MYO10: variants seen among roughly 807,000 people sequenced by gnomAD.
The protein encoded by MYO10 is myosin X.
Under a neutral mutation model 257.3 loss-of-function variants are expected in MYO10, and 133 were observed. That is an observed-to-expected ratio of 0.52 (90% CI 0.45 to 0.60). MYO10 has a LOEUF of 0.60. Ranked by LOEUF, MYO10 falls within the 20% of genes least tolerant of loss-of-function variation. The pLI is 0.00. For missense variants in MYO10, 2,399 were observed against 2,635.7 expected (o/e 0.91, Z 1.97); for synonymous variants, 1,104 against 1,028.6 (o/e 1.07, Z -1.40).
chr5:16,714,961 T>C (rs1468303570), intron 19 of MYO10, among the ~76,000 whole-genome samples: 1 of 152,146 alleles, frequency 6.6e-6, no homozygotes, highest in East Asian at 1.9e-4. Context: ...TAAAAATAAC[T>C]AAAAGTATAG....
At chr5:16,881,956 T>A (rs1453488946) in intron 1 of MYO10, among the ~76,000 whole-genome samples, 2 of 152,192 alleles carry the variant, frequency 1.3e-5, no homozygotes, top group African/African-American at 4.8e-5. Context: ...ACAATTTGAT[T>A]AAAAAATTGC....
chr5:16,934,616 G>T (rs1746383125), intron 1 of MYO10, among the ~76,000 whole-genome samples: 1 of 152,140 alleles, frequency 6.6e-6, no homozygotes, highest in Non-Finnish European at 1.5e-5. Context: ...ATGTATTGAT[G>T]GATAATTCCT....
chr5:16,838,993 C>A (rs1743391886), intron 2 of MYO10, among the ~76,000 whole-genome samples: 1 of 152,208 alleles, frequency 6.6e-6, no homozygotes, highest in African/African-American at 2.4e-5. Context: ...TGCTCACTGA[C>A]AATGCACCTG....
intron 1 of MYO10, among the ~76,000 whole-genome samples, chr5:16,883,679 G>A (rs553712494): frequency 3.9e-5 from 6 of 152,308 alleles, no homozygotes; most frequent in African/African-American, 1.4e-4. Flanking sequence ...GACACACAAA[G>A]TTGCTGACCT....
At chr5:16,679,913 A>C in intron 33 of MYO10, 34 bp downstream of exon 33, 1 of 1,604,648 alleles carries the variant, frequency 6.2e-7, no homozygotes, top group East Asian at 2.2e-5. Flanking sequence ...TCTGAGCTGT[A>C]ATCACCCACC....
At chr5:16,872,456 CA>C (rs1239524216) in intron 2 of MYO10, among the ~76,000 whole-genome samples, 1 of 152,050 alleles carries the variant, frequency 6.6e-6, no homozygotes, top group Admixed American at 6.6e-5. Flanking sequence ...TGCCACACAA[CA>C]ATGTGAATAA....
intron 4 of MYO10, among the ~76,000 whole-genome samples, chr5:16,794,393 A>G (rs1285613963): frequency 6.6e-6 from 1 of 151,936 alleles, no homozygotes; most frequent in Non-Finnish European, 1.5e-5. Context: ...TAAAAAAAAA[A>G]AAAAAAAAAA....
chr5:16,721,091 CTCT>C (rs1739138098), intron 19 of MYO10, among the ~76,000 whole-genome samples: 1 of 152,124 alleles, frequency 6.6e-6, no homozygotes, highest in African/African-American at 2.4e-5. Flanking sequence ...CTGATAACCC[CTCT>C]TCAACTTTAA....
chr5:16,871,285 G>C (rs962332557), intron 2 of MYO10, among the ~76,000 whole-genome samples: 2 of 152,164 alleles, frequency 1.3e-5, no homozygotes, highest in African/African-American at 4.8e-5. Context: ...TCAAGGACAA[G>C]ACCATGCTCT....
chr5:16,708,388 G>T (rs1415187924), intron 21 of MYO10, among the ~76,000 whole-genome samples: 1 of 152,108 alleles, frequency 6.6e-6, no homozygotes, highest in Non-Finnish European at 1.5e-5. Flanking sequence ...TGTCCCCTAT[G>T]CTACACTACG....
At chr5:16,852,050 C>CAAAAAA (rs70943811) in intron 2 of MYO10, among the ~76,000 whole-genome samples, 6 of 42,570 alleles carry the variant, frequency 1.4e-4, no homozygotes, top group African/African-American at 1.5e-4. Context: ...GACTCCATCT[C>CAAAAAA]AAAAAAAAAA....
intron 4 of MYO10, among the ~76,000 whole-genome samples, chr5:16,784,181 AAGAAAGCAC>A (rs1216038071): frequency 1.3e-5 from 2 of 152,240 alleles, no homozygotes; most frequent in Admixed American, 1.3e-4. Flanking sequence ...GAGTCAGGCC[AAGAAAGCAC>A]AGAAACCACA....
chr5:16,841,597 T>TGA (rs1338098827), intron 2 of MYO10, among the ~76,000 whole-genome samples: 1 of 152,144 alleles, frequency 6.6e-6, no homozygotes, highest in African/African-American at 2.4e-5. Flanking sequence ...CCCATTTCTC[T>TGA]GAGAGAGAAG....
intron 2 of MYO10, among the ~76,000 whole-genome samples, chr5:16,850,101 T>A (rs1243194916): frequency 3.3e-5 from 5 of 152,036 alleles, no homozygotes. Context: ...AAGTAAAAAA[T>A]TTATTGGTCT....
intron 2 of MYO10, among the ~76,000 whole-genome samples, chr5:16,836,504 G>A (rs1395750636): frequency 6.6e-6 from 1 of 152,142 alleles, no homozygotes; most frequent in Non-Finnish European, 1.5e-5. Flanking sequence ...CTACACATGT[G>A]CCCAAGAAGA....
chr5:16,917,926 C>T (rs1408681463), intron 1 of MYO10, among the ~76,000 whole-genome samples: 5 of 152,138 alleles, frequency 3.3e-5, no homozygotes, highest in African/African-American at 9.7e-5. Context: ...AACTTCCAGG[C>T]TACATACTTT....
At chr5:16,930,345 C>T (rs867324831) in intron 1 of MYO10, among the ~76,000 whole-genome samples, 2 of 151,798 alleles carry the variant, frequency 1.3e-5, no homozygotes, top group Non-Finnish European at 1.5e-5. Context: ...GGATCACGTG[C>T]GAGAAAAGAA....
Position 16,766,061 on chromosome 5 carries a change from G to A in MYO10, c.1179+19C>T, listed in dbSNP as rs1372392110. On this transcript the variant is annotated intron_variant, in intron 11 of 40. Coordinates refer to ENST00000513610, the MANE Select transcript of MYO10 (RefSeq NM_012334.3). ...AGGAGTGTCTAGTAACGCAAGATCAGATGGCAAAGCGTGTGTACCTGTTGA... is the reference window on the plus strand; with the variant it reads ...AGGAGTGTCTAGTAACGCAAGATCAAATGGCAAAGCGTGTGTACCTGTTGA... The A allele has an allele frequency of 6.4e-7, 1 of 1,563,058 alleles. No individual in the cohort carries two copies. The highest frequency in any genetic ancestry group is 8.8e-7 in the Non-Finnish European group (1 of 1,133,778).
At chr5:16,864,773 T>C (rs1744195654) in intron 2 of MYO10, among the ~76,000 whole-genome samples, 1 of 152,200 alleles carries the variant, frequency 6.6e-6, no homozygotes, top group African/African-American at 2.4e-5. Context: ...TGACTTTCCA[T>C]CTTTGAGCCA....
Sources: gnomAD v4.1 joint callset for allele counts (sites outside exome capture counted in the v4.1 genomes callset) on GRCh38, gnomAD v4.1.1 for gene constraint, MANE v1.5 for transcripts, NCBI Gene and HGNC (gene_info 2026-07-23, HGNC 2026-07-21) for gene names.